The following IL17RD variants were observed in gnomAD, a reference collection of about 807,000 sequenced individuals.
The protein encoded by IL17RD is interleukin 17 receptor D, also known as interleukin-17 receptor D.
IL17RD carries 52 observed loss-of-function variants against 80.5 expected under a neutral mutation model. That is an observed-to-expected ratio of 0.65 (90% CI 0.52 to 0.81). The LOEUF (loss-of-function observed/expected upper bound fraction) is 0.81. IL17RD is among the 40% of genes least tolerant of loss of function. The pLI is 0.00. For missense variants in IL17RD, 1,024 were observed against 955.1 expected (o/e 1.07, Z -0.95); for synonymous variants, 416 against 391.8 (o/e 1.06, Z -0.73).
At chr3:57,111,507 C>A (rs1206619620) in intron 3 of IL17RD, among the ~76,000 whole-genome samples, 1 of 152,162 alleles carries the variant, frequency 6.6e-6, no homozygotes, top group African/African-American at 2.4e-5. Context: ...AGACCAACAA[C>A]TATTTTAGAT....
intron 10 of IL17RD, among the ~76,000 whole-genome samples, chr3:57,102,132 G>A (rs1706845140): frequency 6.6e-6 from 1 of 152,138 alleles, no homozygotes; most frequent in Non-Finnish European, 1.5e-5. Context: ...GCCAGGCATG[G>A]TGGTGCATGC....
At chr3:57,110,905 T>C (rs1707082097) in intron 3 of IL17RD, among the ~76,000 whole-genome samples, 1 of 152,186 alleles carries the variant, frequency 6.6e-6, no homozygotes, top group South Asian at 2.1e-4. Context: ...CACCCAAGGG[T>C]TGCCCAGTGT....
At chr3:57,129,647 C>A (rs139144233) in intron 1 of IL17RD, among the ~76,000 whole-genome samples, 1 of 152,310 alleles carries the variant, frequency 6.6e-6, no homozygotes, top group African/African-American at 2.4e-5. Context: ...GCCCCACGCA[C>A]ATTTCCTTCA....
intron 1 of IL17RD, chr3:57,134,196 A>G (rs1419893878): frequency 4.4e-6 from 3 of 683,788 alleles, no homozygotes; most frequent in Admixed American, 1.8e-5. Context: ...TGGCAAGAAG[A>G]AGGTCTGGTT....
At chr3:57,155,597 T>A (rs1228520413) in intron 1 of IL17RD, among the ~76,000 whole-genome samples, 4 of 147,880 alleles carry the variant, frequency 2.7e-5, no homozygotes, top group African/African-American at 9.9e-5. Context: ...TCAGAGGAAA[T>A]TTTTTTTTTT....
In IL17RD at chr3:57,114,795, T is replaced by G; in HGVS notation, c.207A>C (p.Pro69=). Residue 69 remains proline (P), a synonymous_variant, in exon 3 of 13, where the codon CCA becomes CCC. Transcript: ENST00000296318. ...CGTCAGCAATCACATGCTTCCCCACTGGATTCAAGTAGGTGGTACAATCTA... is the reference window on the plus strand; with the variant it reads ...CGTCAGCAATCACATGCTTCCCCACGGGATTCAAGTAGGTGGTACAATCTA... ...KYDNCTTYLN[P]VGKHVIADAQ... is the part of the protein sequence containing the mutation. 6.2e-7 allele frequency: 1 copy of G among 1,608,722 alleles called. No individual in the cohort carries two copies. The highest frequency in any genetic ancestry group is 8.5e-7 in the Non-Finnish European group (1 of 1,177,728).
intron 3 of IL17RD, among the ~76,000 whole-genome samples, chr3:57,112,797 T>C (rs1297249194): frequency 3.3e-5 from 5 of 152,272 alleles, no homozygotes; most frequent in Non-Finnish European, 7.3e-5. Context: ...AGATTTATCC[T>C]GTTCCGATTA....
intron 1 of IL17RD, among the ~76,000 whole-genome samples, chr3:57,124,651 A>T (rs1049086266): frequency 6.6e-6 from 1 of 152,204 alleles, no homozygotes; most frequent in Non-Finnish European, 1.5e-5. Context: ...TGGCCACATT[A>T]AGATCCGTTT....
intron 1 of IL17RD, among the ~76,000 whole-genome samples, chr3:57,128,604 T>TA (rs1348155278): frequency 1.3e-5 from 2 of 152,048 alleles, no homozygotes; most frequent in Non-Finnish European, 2.9e-5. Flanking sequence ...TCACTAAAGA[T>TA]AAAGATATGT....
chr3:57,158,432 A>T (rs562058360), intron 1 of IL17RD, among the ~76,000 whole-genome samples: 1 of 152,384 alleles, frequency 6.6e-6, no homozygotes, highest in Admixed American at 6.5e-5. Flanking sequence ...CATTTACACT[A>T]TTAAATCAGA....
At chr3:57,162,814 GA>G (rs2060314595) in intron 1 of IL17RD, among the ~76,000 whole-genome samples, 1 of 152,188 alleles carries the variant, frequency 6.6e-6, no homozygotes, top group South Asian at 2.1e-4. Context: ...AAACTAGTCT[GA>G]AGACATAGAA....
upstream of IL17RD, among the ~76,000 whole-genome samples, chr3:57,165,720 C>T (rs2060345210): frequency 6.6e-6 from 1 of 152,226 alleles, no homozygotes; most frequent in Non-Finnish European, 1.5e-5. Context: ...TCTGTATACG[C>T]CCAACCACAC....
At chr3:57,160,811 G>A (rs373913592) in intron 1 of IL17RD, among the ~76,000 whole-genome samples, 37 of 152,302 alleles carry the variant, frequency 2.4e-4, no homozygotes, top group African/African-American at 8.4e-4. Flanking sequence ...AAAAGAATTT[G>A]TTAAAATGCC....
At chr3:57,146,981 C>T (rs1707944782) in intron 1 of IL17RD, among the ~76,000 whole-genome samples, 1 of 143,040 alleles carries the variant, frequency 7.0e-6, no homozygotes, top group African/African-American at 2.7e-5. Context: ...AACAACCATG[C>T]CCGGCTAATT....
intron 2 of IL17RD, among the ~76,000 whole-genome samples, chr3:57,119,614 C>G (rs1298511740): frequency 6.6e-6 from 1 of 152,176 alleles, no homozygotes; most frequent in Admixed American, 6.5e-5. Flanking sequence ...GATGGCCAAC[C>G]AACTGCAGAC....
chr3:57,135,039 T>C (rs1419672327), intron 1 of IL17RD, among the ~76,000 whole-genome samples: 4 of 152,034 alleles, frequency 2.6e-5, no homozygotes, highest in Admixed American at 6.6e-5. Context: ...GCCCAGGAGA[T>C]GGAAGTAGCA....
intron 1 of IL17RD, among the ~76,000 whole-genome samples, chr3:57,136,914 A>G (rs918198539): frequency 1.3e-5 from 2 of 152,200 alleles, no homozygotes; most frequent in Non-Finnish European, 1.5e-5. Flanking sequence ...ATAAGGTTAC[A>G]CTGCCTAGAA....
intron 1 of IL17RD, chr3:57,150,270 A>C (rs1708027618): frequency 1.3e-5 from 2 of 152,222 alleles, no homozygotes; most frequent in Admixed American, 1.3e-4. Flanking sequence ...TTATCTCCAA[A>C]GTGCTGTCTA....
chr3:57,115,672 A>T (rs1707200864), intron 2 of IL17RD, among the ~76,000 whole-genome samples: 1 of 152,202 alleles, frequency 6.6e-6, no homozygotes, highest in South Asian at 2.1e-4. Flanking sequence ...CCACTCTTGC[A>T]GGGAGAACCA....
Sources: gnomAD v4.1 joint callset for allele counts (sites outside exome capture counted in the v4.1 genomes callset) on GRCh38, gnomAD v4.1.1 for gene constraint, MANE v1.5 for transcripts, NCBI Gene and HGNC (gene_info 2026-07-23, HGNC 2026-07-21) for gene names.